PADI2: variants seen among roughly 807,000 people sequenced by gnomAD.
PADI2 encodes the protein protein-arginine deiminase type-2.
PADI2 carries 70 observed loss-of-function variants against 81.1 expected under a neutral mutation model. That is an observed-to-expected ratio of 0.86 (90% confidence interval 0.71 to 1.05). The LOEUF (loss-of-function observed/expected upper bound fraction) is 1.05, where lower values mean the gene tolerates loss of function less well. Ranked by LOEUF, PADI2 falls within the 50% of genes least tolerant of loss-of-function variation. PADI2 has a pLI of 0.00. For missense variants in PADI2, 853 were observed against 889.9 expected, an observed-to-expected ratio of 0.96 and a Z score of 0.53; for synonymous variants, 338 against 358.0, an observed-to-expected ratio of 0.94 and a Z score of 0.63.
rs76629057 is a variant in PADI2, at chr1:17,103,262, C to T, written c.277-203G>A. Among the ~76,000 whole-genome samples, 81 of 152,334 alleles carry T rather than the reference C, an allele frequency of 5.3e-4. No homozygotes were observed. In the East Asian group the frequency reaches 0.015, roughly 28 times the overall value. The stretch of plus-strand genomic sequence containing the variant: ...TAACTGAACTAGACTGTGGACTCCC[C>T]TCCTGCTGGCTGAGAGGGCAGTTAG... On this transcript the variant is annotated intron_variant, in intron 2 of 15. Coordinates refer to ENST00000375486, the MANE Select transcript of PADI2 (RefSeq NM_007365.3).
In PADI2 at chr1:17,092,529, G is replaced by C. The variant is rs11203297; in HGVS notation, c.534C>G (p.Leu178=). The part of the protein sequence containing the change: ...RDEKVYSKED[L]KDMSQMILRT... ...GCAGGATCATCTGGGACATGTCCTTGAGATCTGAGGGACAGAAGGTGAGAA... is the reference window on the plus strand; with the variant it reads ...GCAGGATCATCTGGGACATGTCCTTCAGATCTGAGGGACAGAAGGTGAGAA... Residue 178 remains leucine (L), a synonymous_variant, in exon 6 of 16, where the codon CTC becomes CTG. Coordinates refer to ENST00000375486, the MANE Select transcript of PADI2 (RefSeq NM_007365.3). 6.9e-6 allele frequency: 11 copies of C among 1,589,632 alleles called. No homozygotes were observed. The East Asian group carries it at 2.3e-4, about 33-fold the overall frequency.
At chr1:17,112,479 G>A (rs1398741980) in intron 1 of PADI2, among the ~76,000 whole-genome samples, 1 of 151,898 alleles carries the variant, frequency 6.6e-6, no homozygotes, top group African/African-American at 2.4e-5. Flanking sequence ...CCAGCTCCTG[G>A]CAGCCTGGGT....
chr1:17,068,929 G>T lies in PADI2; in HGVS notation c.*115C>A. Reference sequence around the variant, plus strand: ...ACAGATACCCCAAATTCCACCCCACGTCCCAAAGGTCTCCCAGCGGGGCTG... The same window carrying T: ...ACAGATACCCCAAATTCCACCCCACTTCCCAAAGGTCTCCCAGCGGGGCTG... On this transcript the variant is annotated 3_prime_UTR_variant, in exon 16 of 16. Transcript: ENST00000375486. 1 of 805,288 alleles carries T rather than the reference G, an allele frequency of 1.2e-6. No individual in the cohort carries two copies. The highest frequency in any genetic ancestry group is 1.6e-5 in the South Asian group (1 of 64,162). 49.9% of individuals were successfully genotyped at this position (805,288 alleles called of 1,614,324 possible).
In PADI2 at chr1:17,115,659, T is replaced by A. The variant is rs1017270382; in HGVS notation, c.92+3621A>T. Among the ~76,000 whole-genome samples, 1 of 152,036 alleles carries A rather than the reference T, an allele frequency of 6.6e-6. No homozygotes were observed. Among genetic ancestry groups the A allele is most frequent in the Admixed American group, 6.5e-5 (1 of 15,268 alleles). On this transcript the variant is annotated intron_variant, in intron 1 of 15. Transcript: ENST00000375486. This position sits in a 1 kb window ranked among gnomAD's most constrained non-coding sequence, Gnocchi z 4.1. ...ACCAACCTAGGGACTCCCTCTGTGC[T>A]CTCTTTCCAACTTCAAGCCCAAATC... is the stretch of plus-strand genomic sequence containing the variant.
At chr1:17,092,577 G>C in intron 5 of PADI2, 44 bp from the exon 6 acceptor site, 1 of 1,501,634 alleles carries the variant, frequency 6.7e-7, no homozygotes, top group East Asian at 2.4e-5. Flanking sequence ...TCTGTTGCTG[G>C]AGCCTCAGCT....
chr1:17,093,700 G>A lies in PADI2; in HGVS notation c.412-16C>T. On this transcript the variant is annotated splice_polypyrimidine_tract_variant and intron_variant, in intron 4 of 15. Coordinates refer to ENST00000375486, the MANE Select transcript of PADI2 (RefSeq NM_007365.3). ...TCCAGGATGCCTACAGTGGCAGGAAGAAAGGTCAGTGCCCTCTTCTCTATG... is the reference window on the plus strand; with the variant it reads ...TCCAGGATGCCTACAGTGGCAGGAAAAAAGGTCAGTGCCCTCTTCTCTATG... 4 of 1,451,162 alleles carry A rather than the reference G, an allele frequency of 2.8e-6. No individual in the cohort carries two copies. Among genetic ancestry groups the A allele is most frequent in the Non-Finnish European group, 2.9e-6 (3 of 1,031,734 alleles). The allele number at this position is 1,451,162 out of a possible 1,614,324, so 89.9% of individuals were successfully genotyped here.
At position 17,070,090 on chromosome 1, in the gene PADI2, T is replaced by C; in HGVS notation, c.1762A>G (p.Met588Val). ...GGTTGGGGTCTGCAGGGCCTCACCA[T>C]GTTTGGGAAGAAGGCTCTGGCACGG... is the stretch of plus-strand genomic sequence containing the variant. ...DHRARAFFPN[M>V]VNMIVLDKDL... The change falls in exon 15 of 16, where the codon ATG (methionine) becomes GTG (valine). Residue 588 changes from methionine to valine, a missense_variant and splice_region_variant. By Grantham distance (21) the Met-to-Val change is conservative. Coordinates refer to ENST00000375486, the MANE Select transcript of PADI2 (RefSeq NM_007365.3). 2 of 1,613,452 alleles carry C rather than the reference T, an allele frequency of 1.2e-6. No individual in the cohort carries two copies. Among genetic ancestry groups the C allele is most frequent in the Non-Finnish European group, 1.7e-6 (2 of 1,179,602 alleles).
intron 1 of PADI2, among the ~76,000 whole-genome samples, chr1:17,116,143 G>C (rs369615087): frequency 6.6e-6 from 1 of 152,370 alleles, no homozygotes; most frequent in South Asian, 2.1e-4. Context: ...GAGACTCAGA[G>C]AAGTGAAGCG....
chr1:17,094,935 C>A (rs2101595852), intron 4 of PADI2, among the ~76,000 whole-genome samples: 1 of 152,292 alleles, frequency 6.6e-6, no homozygotes, highest in African/African-American at 2.4e-5. Flanking sequence ...AAGCCTTGCT[C>A]ACGATCCTAG....
At chr1:17,073,724 C>A (rs1462659120) in intron 13 of PADI2, among the ~76,000 whole-genome samples, 1 of 152,032 alleles carries the variant, frequency 6.6e-6, no homozygotes, top group Non-Finnish European at 1.5e-5. Flanking sequence ...ACCCAGGTAA[C>A]AAACCTGCAC....
At chr1:17,072,518 C>T (rs943455508) in intron 13 of PADI2, among the ~76,000 whole-genome samples, 10 of 152,186 alleles carry the variant, frequency 6.6e-5, no homozygotes, top group South Asian at 2.1e-4. Flanking sequence ...TCTGGTCCAG[C>T]GGAGATCTTG....
At chr1:17,098,996 C>A (rs1262036848) in intron 3 of PADI2, among the ~76,000 whole-genome samples, 1 of 152,224 alleles carries the variant, frequency 6.6e-6, no homozygotes, top group African/African-American at 2.4e-5. Flanking sequence ...CCCAGAGGCT[C>A]TGGATCCCAC....
At chr1:17,096,179 A>C (rs1930921599) in intron 3 of PADI2, among the ~76,000 whole-genome samples, 1 of 152,184 alleles carries the variant, frequency 6.6e-6, no homozygotes, top group African/African-American at 2.4e-5. Context: ...TGGACCTCGT[A>C]GCTTACGGCT....
At position 17,093,632 on chromosome 1, in the gene PADI2, C is replaced by T. The variant is rs1340239087; in HGVS notation, c.464G>A (p.Cys155Tyr). 1.2e-6 allele frequency: 2 copies of T among 1,614,082 alleles called. No homozygotes were observed. The highest frequency in any genetic ancestry group is 8.5e-7 in the Non-Finnish European group (1 of 1,179,956). Residue 155 changes from cysteine to tyrosine, a missense_variant, in exon 5 of 16, where the codon TGT becomes TAT. Physicochemically the swap from Cys to Tyr is radical, Grantham distance 194 (BLOSUM62 -2). Coordinates refer to ENST00000375486, the MANE Select transcript of PADI2 (RefSeq NM_007365.3). ...EGQGAILLVN[C>Y]DRETPWLPKE... Reference sequence around the variant, plus strand: ...GGGCAACCAGGGTGTCTCTCGGTCACAGTTCACCAGCAGGATGGCCCCCTG... The same window carrying T: ...GGGCAACCAGGGTGTCTCTCGGTCATAGTTCACCAGCAGGATGGCCCCCTG...
At chr1:17,084,917 A>G (rs2078374282) in intron 7 of PADI2, among the ~76,000 whole-genome samples, 1 of 152,162 alleles carries the variant, frequency 6.6e-6, no homozygotes, top group Non-Finnish European at 1.5e-5. Flanking sequence ...CACTTTTCAG[A>G]TGGGGAAACC....
Position 17,093,635 on chromosome 1 carries a change from T to C in PADI2, c.461A>G (p.Asn154Ser). Residue 154 changes from asparagine (N) to serine (S), a missense_variant, in exon 5 of 16, where the codon AAC becomes AGC. Asn to Ser is a conservative substitution (Grantham distance 46, BLOSUM62 1). Coordinates refer to ENST00000375486, the MANE Select transcript of PADI2 (RefSeq NM_007365.3). Reference sequence around the variant, plus strand: ...CAACCAGGGTGTCTCTCGGTCACAGTTCACCAGCAGGATGGCCCCCTGGCC... The same window carrying C: ...CAACCAGGGTGTCTCTCGGTCACAGCTCACCAGCAGGATGGCCCCCTGGCC... ...PEGQGAILLV[N>S]CDRETPWLPK... 1.2e-6 allele frequency: 2 copies of C among 1,614,064 alleles called. No individual in the cohort carries two copies. The highest frequency in any genetic ancestry group is 1.3e-5 in the African/African-American group (1 of 75,048).
At chr1:17,073,494 G>A (rs1049949125) in intron 13 of PADI2, among the ~76,000 whole-genome samples, 8 of 151,892 alleles carry the variant, frequency 5.3e-5, no homozygotes, top group Non-Finnish European at 1.2e-4. Flanking sequence ...TTAATGTCCC[G>A]GAACTGTGTC....
chr1:17,116,647 A>T (rs1019061479), intron 1 of PADI2, among the ~76,000 whole-genome samples: 2 of 152,096 alleles, frequency 1.3e-5, no homozygotes, highest in African/African-American at 4.8e-5. Flanking sequence ...GGGGTATAAG[A>T]GCATGAGTTC....
At chr1:17,079,458 G>A in intron 10 of PADI2, 43 bp from the exon 11 acceptor site, 1 of 1,542,500 alleles carries the variant, frequency 6.5e-7, no homozygotes, top group South Asian at 1.1e-5. Flanking sequence ...CTGCAGCCAG[G>A]GTCCTCAGCC....
Sources: gnomAD v4.1 joint callset for allele counts (sites outside exome capture counted in the v4.1 genomes callset) on GRCh38, gnomAD v4.1.1 for gene constraint, Gnocchi (gnomAD v3.1) non-coding constraint, MANE v1.5 for transcripts, NCBI Gene and HGNC (gene_info 2026-07-23, HGNC 2026-07-21) for gene names.